The following OGFR variants were observed in gnomAD, a reference collection of about 807,000 sequenced individuals.
OGFR encodes the protein opioid growth factor receptor.
Under a neutral mutation model 33.6 loss-of-function variants are expected in OGFR, and 18 were observed. That is an observed-to-expected ratio of 0.54 (90% CI 0.37 to 0.80). The LOEUF (loss-of-function observed/expected upper bound fraction) is 0.80, where lower values mean the gene tolerates loss of function less well. Among genes scored for constraint, OGFR ranks in the 30% least tolerant of loss-of-function variants. The probability of loss-of-function intolerance (pLI) is 0.00; values close to 1 mark genes in which losing one functional copy is unlikely to be tolerated. For synonymous variants in OGFR, 370 were observed against 400.7 expected (o/e 0.92, Z 0.91); for missense variants, 877 against 955.8 (o/e 0.92, Z 1.09).
At chr20:62,811,670 T>A (rs967584955) in intron 6 of OGFR, 60 bp downstream of exon 6, 9 of 1,453,856 alleles carry the variant, frequency 6.2e-6, no homozygotes, top group Non-Finnish European at 8.3e-6. Flanking sequence ...CACGTCAGGT[T>A]TCGGGCAGGT....
chr20:62,808,205 T>C, intron 2 of OGFR, 42 bp from the exon 3 acceptor site: 1 of 1,489,040 alleles, frequency 6.7e-7, no homozygotes, highest in Non-Finnish European at 9.4e-7. Context: ...GGGCAGCTTG[T>C]GTCTGATGGA....
chr20:62,808,872 G>C (rs138680078), intron 3 of OGFR, among the ~76,000 whole-genome samples: 20,117 of 151,168 alleles, frequency 0.13, 1,439 homozygotes, highest in Middle Eastern at 0.22. Flanking sequence ...CTACTCAGGA[G>C]GCTGAGGCAG....
chr20:62,807,415 G>A (rs1990620031), intron 1 of OGFR, 122 bp from the exon 2 acceptor site: 1 of 812,790 alleles, frequency 1.2e-6, no homozygotes, highest in South Asian at 1.6e-5. Context: ...GAGGAGCCAT[G>A]AAACCCCCGC....
Position 62,812,854 on chromosome 20 carries a change from T to G in OGFR, c.1239T>G (p.Asn413Lys). The change falls in exon 7 of 7, where the codon AAT (asparagine) becomes AAG (lysine). Residue 413 changes from asparagine to lysine, a missense_variant. By Grantham distance (94) the Asn-to-Lys change is moderately conservative. Transcript: ENST00000290291. ...CAGAGGTGGAGAAGATCGCTCTGAA[T>G]TTGGAGGGGTGTGCCCTCAGCCAGG... ...SASEVEKIALNLEGCALSQGS... is the reference protein window; with the variant it reads ...SASEVEKIALKLEGCALSQGS... 3 of 1,612,596 alleles carry G rather than the reference T, an allele frequency of 1.9e-6. 1 individual carries two copies. The South Asian group carries it at 3.3e-5, about 18-fold the overall frequency.
chr20:62,806,846 C>G lies in OGFR; in HGVS notation c.172-691C>G, dbSNP rs1416773081. 3.9e-5 allele frequency: 6 copies of G among 153,462 alleles called. No homozygotes were observed. The East Asian group carries it at 1.2e-3, about 30-fold the overall frequency. 9.5% of individuals were successfully genotyped at this position (153,462 alleles called of 1,614,324 possible). Reference sequence around the variant, plus strand: ...AGGTACTTCCGGCCCTTTGCTCAGCCCCATGATGCTTGGCCTGCAGAGATG... The same window carrying G: ...AGGTACTTCCGGCCCTTTGCTCAGCGCCATGATGCTTGGCCTGCAGAGATG... On this transcript the variant is annotated intron_variant, in intron 1 of 6. Transcript: ENST00000290291.
intron 2 of OGFR, 170 bp downstream of exon 2, chr20:62,807,775 C>G: frequency 1.5e-6 from 1 of 662,824 alleles, no homozygotes; most frequent in Non-Finnish European, 2.6e-6. Context: ...GAGCCCTGCC[C>G]TTCCCCTCTC....
rs573592553 is a variant in OGFR at position 62,813,632 on chromosome 20, A to C, written c.2017A>C (p.Lys673Gln). The change falls in exon 7 of 7, where the codon AAG becomes CAG. Residue 673 changes from lysine to glutamine, a missense_variant. Physicochemically the swap from Lys to Gln is moderately conservative, Grantham distance 53 (BLOSUM62 1). This residue lies in a region of OGFR where 45 missense variants were observed against 38.0 expected (regional missense o/e 1.19). Coordinates refer to ENST00000290291, the MANE Select transcript of OGFR (RefSeq NM_007346.4). Reference protein sequence around the residue: ...LQDAEVESSAKSGKP With the variant: ...LQDAEVESSAQSGKP Reference sequence around the variant, plus strand: ...GGACGCAGAGGTGGAGTCTTCTGCCAAGTCTGGGAAGCCTTAAGGAAAGGA... The same window carrying C: ...GGACGCAGAGGTGGAGTCTTCTGCCCAGTCTGGGAAGCCTTAAGGAAAGGA... 25 of 1,612,594 alleles carry C rather than the reference A, an allele frequency of 1.6e-5. No homozygotes were observed. The African/African-American group carries it at 3.2e-4, about 21-fold the overall frequency.
At position 62,809,912 on chromosome 20, in the gene OGFR, TC is replaced by T. The variant is rs1437441179; in HGVS notation, c.398+252del. Among the ~76,000 whole-genome samples the T allele has an allele frequency of 3.9e-5, 6 of 152,194 alleles. No individual in the cohort carries two copies. The East Asian group carries it at 1.2e-3, about 30-fold the overall frequency. The stretch of plus-strand genomic sequence containing the variant: ...GAGACAGGAAGGGCTGCACACAAGC[TC>T]CCTGAAACAGGAGAGGGGGCAGGCA... On this transcript the variant is annotated intron_variant, in intron 4 of 6. Coordinates refer to ENST00000290291, the MANE Select transcript of OGFR (RefSeq NM_007346.4).
At chr20:62,808,769 C>T (rs1200123160) in intron 3 of OGFR, among the ~76,000 whole-genome samples, 3 of 151,946 alleles carry the variant, frequency 2.0e-5, no homozygotes, top group Non-Finnish European at 4.4e-5. Context: ...GTCATGAGTT[C>T]GAGACCAGCC....
intron 3 of OGFR, among the ~76,000 whole-genome samples, chr20:62,809,293 G>A (rs943755997): frequency 2.6e-5 from 4 of 152,152 alleles, no homozygotes; most frequent in Admixed American, 1.3e-4. Flanking sequence ...GGTCCTGGTC[G>A]AGGACCAGTG....
In OGFR at chr20:62,813,154, T is replaced by G; in HGVS notation, c.1539T>G (p.Gly513=). 6.3e-7 allele frequency: 1 copy of G among 1,584,854 alleles called. No individual in the cohort carries two copies. Among genetic ancestry groups the G allele is most frequent in the Non-Finnish European group, 8.6e-7 (1 of 1,166,170 alleles). Reference sequence around the variant, plus strand: ...AAGGTCGAACGGGGCCCAAAGAAGGTACCCCTGGGAGCCCATCGGAGACCC... The same window carrying G: ...AAGGTCGAACGGGGCCCAAAGAAGGGACCCCTGGGAGCCCATCGGAGACCC... ...DTEGRTGPKE[G]TPGSPSETPG... is the part of the protein sequence containing the mutation. The change falls in exon 7 of 7, where the codon GGT becomes GGG. Residue 513 remains glycine (G), a synonymous_variant. Coordinates refer to ENST00000290291, the MANE Select transcript of OGFR (RefSeq NM_007346.4).
intron 3 of OGFR, among the ~76,000 whole-genome samples, chr20:62,808,727 A>G (rs1410716715): frequency 6.6e-6 from 1 of 152,184 alleles, no homozygotes; most frequent in Non-Finnish European, 1.5e-5. Context: ...TAATCCCAGC[A>G]CTTTGGGAGG....
Position 62,809,578 on chromosome 20 carries a change from C to T in OGFR, c.320-7C>T. Reference sequence around the variant, plus strand: ...CCACAGCTGACTTGTCCCCATGGGGCTCCCAGGCTGTTTCATTGAGGACAT... The same window carrying T: ...CCACAGCTGACTTGTCCCCATGGGGTTCCCAGGCTGTTTCATTGAGGACAT... On this transcript the variant is annotated splice_region_variant and splice_polypyrimidine_tract_variant and intron_variant, in intron 3 of 6. Transcript: ENST00000290291. 1 of 1,611,230 alleles carries T rather than the reference C, an allele frequency of 6.2e-7. No homozygotes were observed. The highest frequency in any genetic ancestry group is 8.5e-7 in the Non-Finnish European group (1 of 1,178,606).
rs932729986 is a variant in OGFR, at chr20:62,812,640, A to G, written c.1025A>G (p.Asp342Gly). The G allele has an allele frequency of 3.2e-6, 5 of 1,559,974 alleles. No individual in the cohort carries two copies. Among genetic ancestry groups the G allele is most frequent in the Non-Finnish European group, 3.5e-6 (4 of 1,153,244 alleles). ...CATAGCAAGGGTGGGGGCAGGGTGG[A>G]CGAGGGGCCCCAGCCACGGAGCGTG... Reference protein sequence around the residue: ...PEHSKGGGRVDEGPQPRSVEP... With the variant: ...PEHSKGGGRVGEGPQPRSVEP... The change falls in exon 7 of 7, where the codon GAC becomes GGC. Residue 342 changes from aspartate (D) to glycine (G), a missense_variant. Physicochemically the swap from Asp to Gly is moderately conservative, Grantham distance 94. Transcript: ENST00000290291.
chr20:62,810,456 G>T (rs1308940323), intron 4 of OGFR, 43 bp from the exon 5 acceptor site: 14 of 1,601,896 alleles, frequency 8.7e-6, no homozygotes, highest in Non-Finnish European at 1.2e-5. Context: ...AGGTCTGGAA[G>T]CGGCTCTCCT....
At position 62,808,057 on chromosome 20, in the gene OGFR, G is replaced by T; in HGVS notation, c.241-190G>T. On this transcript the variant is annotated intron_variant, in intron 2 of 6. Coordinates refer to ENST00000290291, the MANE Select transcript of OGFR (RefSeq NM_007346.4). The stretch of plus-strand genomic sequence containing the variant: ...CCTGGCTGGCGAAATGGGGAAGGGG[G>T]GTCCCTGGGGCTTGGAGGCAGCTGC... The T allele has an allele frequency of 3.1e-6, 2 of 653,806 alleles. 1 individual carries two copies. The highest frequency in any genetic ancestry group is 3.4e-5 in the South Asian group (2 of 58,700). The allele number at this position is 653,806 out of a possible 1,614,324, so 40.5% of individuals were successfully genotyped here.
chr20:62,812,492 C>T lies in OGFR; in HGVS notation c.877C>T (p.Arg293Trp), dbSNP rs774947493. The T allele has an allele frequency of 6.2e-5, 98 of 1,581,028 alleles. No individual in the cohort carries two copies. The Admixed American group carries it at 9.2e-4, about 15-fold the overall frequency. ...KFVWGPQDKL[R>W]RFKPSSLPHP... ...CGTCTGGGGGCCCCAAGACAAGCTG[C>T]GGAGGTTCAAGCCCAGCTCTCTGCC... Residue 293 changes from arginine to tryptophan, a missense_variant, in exon 7 of 7, where the codon CGG becomes TGG. Arg to Trp is a moderately radical substitution (Grantham distance 101). Transcript: ENST00000290291.
At chr20:62,809,242 C>T (rs538712665) in intron 3 of OGFR, among the ~76,000 whole-genome samples, 4 of 152,242 alleles carry the variant, frequency 2.6e-5, no homozygotes, top group South Asian at 2.1e-4. Context: ...TGACGGGCCA[C>T]GCTTTTGCAG....
At chr20:62,811,676 C>T in intron 6 of OGFR, 66 bp downstream of exon 6, 4 of 1,369,364 alleles carry the variant, frequency 2.9e-6, no homozygotes, top group South Asian at 1.4e-5. Context: ...AGGTTTCGGG[C>T]AGGTCACAGA....
Sources: allele counts gnomAD v4.1 joint callset (sites outside exome capture counted in the v4.1 genomes callset), GRCh38; gene constraint gnomAD v4.1.1; regional missense constraint gnomAD v4.1.1; transcripts MANE v1.5; gene names NCBI Gene and HGNC (gene_info 2026-07-23, HGNC 2026-07-21).